Variants in DLGAP2 observed in about 807,000 individuals in gnomAD.
DLGAP2 encodes disks large-associated protein 2.
A neutral mutation model predicts 100.3 loss-of-function variants in DLGAP2; 26 were observed. The ratio of observed to expected loss-of-function variants is 0.26; its 90% CI spans 0.19 to 0.36. The LOEUF (loss-of-function observed/expected upper bound fraction) is 0.36. DLGAP2 is among the 10% of genes least tolerant of loss of function. DLGAP2 has a pLI of 1.00. For synonymous variants in DLGAP2, 886 were observed against 630.1 expected (o/e 1.41, Z -6.08); for missense variants, 1,858 against 1,453.2 (o/e 1.28, Z -4.53).
chr8:1,089,793 A>G (rs1380533416), intron 2 of DLGAP2, among the ~76,000 whole-genome samples: 5 of 152,196 alleles, frequency 3.3e-5, no homozygotes, highest in African/African-American at 1.2e-4. Context: ...ATATCCATCC[A>G]TTCTTTCGCT....
intron 1 of DLGAP2, among the ~76,000 whole-genome samples, chr8:810,128 C>T (rs1796345398): frequency 1.3e-5 from 2 of 152,300 alleles, no homozygotes; most frequent in African/African-American, 2.4e-5. Flanking sequence ...CTTCAAGTGC[C>T]ATCTCCTCCT....
At chr8:1,676,812 G>A (rs953476655) in intron 11 of DLGAP2, among the ~76,000 whole-genome samples, 194 bp downstream of exon 11, 20 of 152,200 alleles carry the variant, frequency 1.3e-4, no homozygotes, top group African/African-American at 4.3e-4. Flanking sequence ...TTTGCAAGAG[G>A]CAAGGGAGTA....
chr8:1,573,527 CG>C (rs1802836752), intron 6 of DLGAP2, among the ~76,000 whole-genome samples: 2 of 152,032 alleles, frequency 1.3e-5, no homozygotes, highest in South Asian at 4.1e-4. Flanking sequence ...GACTGCCATC[CG>C]TGGGTTTCAC....
intron 2 of DLGAP2, among the ~76,000 whole-genome samples, chr8:1,132,199 TAGAA>T (rs1396934121): frequency 2.0e-5 from 3 of 152,218 alleles, no homozygotes; most frequent in Non-Finnish European, 2.9e-5. Context: ...TTTGTAGAAA[TAGAA>T]AGCCATGTTT....
At chr8:1,456,967 G>A (rs1418334281) in intron 3 of DLGAP2, among the ~76,000 whole-genome samples, 4 of 152,246 alleles carry the variant, frequency 2.6e-5, no homozygotes, top group African/African-American at 9.6e-5. Flanking sequence ...ACTAATGAGC[G>A]CTGGCGCCCA....
At chr8:1,155,434 C>T (rs907897640) in intron 2 of DLGAP2, among the ~76,000 whole-genome samples, 2 of 152,168 alleles carry the variant, frequency 1.3e-5, no homozygotes, top group African/African-American at 4.8e-5. Flanking sequence ...GCGGGCGCAC[C>T]GGCTTCCCTG....
chr8:1,630,337 G>T (rs1210600570), intron 7 of DLGAP2, among the ~76,000 whole-genome samples: 1 of 152,070 alleles, frequency 6.6e-6, no homozygotes, highest in Non-Finnish European at 1.5e-5. Flanking sequence ...GTTGAGGGTG[G>T]GACATCTGGA....
At chr8:845,213 G>A (rs1030372371) in intron 1 of DLGAP2, among the ~76,000 whole-genome samples, 26 of 152,268 alleles carry the variant, frequency 1.7e-4, no homozygotes, top group African/African-American at 4.8e-4. Flanking sequence ...TTTTCAGGAC[G>A]TTTCAGACTG....
intron 8 of DLGAP2, among the ~76,000 whole-genome samples, chr8:1,657,015 T>C (rs764887197): frequency 5.3e-4 from 81 of 152,354 alleles, no homozygotes; most frequent in Middle Eastern, 3.4e-3. Context: ...ATCAGGGATT[T>C]TATAGTGTTG....
chr8:1,553,545 C>G (rs954293749), intron 5 of DLGAP2, among the ~76,000 whole-genome samples: 23 of 102,406 alleles, frequency 2.2e-4, no homozygotes, highest in African/African-American at 7.8e-4. Context: ...TTTACATGTT[C>G]ACGTGTTGGA....
chr8:1,115,046 T>C (rs1563199615), intron 2 of DLGAP2, among the ~76,000 whole-genome samples: 1 of 152,256 alleles, frequency 6.6e-6, no homozygotes, highest in Non-Finnish European at 1.5e-5. Context: ...TATTGTGCTG[T>C]GGTCCAAGAT....
intron 2 of DLGAP2, among the ~76,000 whole-genome samples, chr8:1,164,343 C>CCCAA (rs1563224521): frequency 7.8e-6 from 1 of 128,848 alleles, no homozygotes; most frequent in East Asian, 2.1e-4. Context: ...TCTGTGAGCC[C>CCCAA]GCAGGGCCCG....
chr8:1,477,164 C>G (rs1798958081), intron 3 of DLGAP2, among the ~76,000 whole-genome samples: 1 of 152,226 alleles, frequency 6.6e-6, no homozygotes, highest in East Asian at 1.9e-4. Flanking sequence ...AGCTGGCTGT[C>G]AGATGGGAGA....
chr8:944,709 C>T (rs1014922289), intron 2 of DLGAP2, among the ~76,000 whole-genome samples: 4 of 147,848 alleles, frequency 2.7e-5, no homozygotes, highest in Non-Finnish European at 5.9e-5. Context: ...CGACTTTGTG[C>T]AGGTGATCCA....
chr8:1,129,725 C>G (rs933694914), intron 2 of DLGAP2, among the ~76,000 whole-genome samples: 1 of 152,116 alleles, frequency 6.6e-6, no homozygotes, highest in African/African-American at 2.4e-5. Context: ...CCACGTTGTA[C>G]CTTTTCACAT....
intron 2 of DLGAP2, among the ~76,000 whole-genome samples, chr8:1,155,425 C>T (rs1261430197): frequency 6.6e-6 from 1 of 152,178 alleles, no homozygotes; most frequent in Non-Finnish European, 1.5e-5. Flanking sequence ...GGGATCGCGG[C>T]GGGCGCACCG....
intron 1 of DLGAP2, among the ~76,000 whole-genome samples, chr8:771,055 C>T (rs1463862401): frequency 2.0e-5 from 3 of 152,090 alleles, no homozygotes; most frequent in Non-Finnish European, 4.4e-5. Context: ...CTTCCAGCTC[C>T]ATTTCTCCAT....
chr8:948,989 C>T (rs1162392204), intron 2 of DLGAP2, among the ~76,000 whole-genome samples: 3 of 145,002 alleles, frequency 2.1e-5, no homozygotes, highest in Admixed American at 1.4e-4. Flanking sequence ...GAGGAGTCGC[C>T]GGGGTGGGAG....
In DLGAP2 at chr8:1,005,584, ATT is replaced by A. The variant is rs11370572; in HGVS notation, c.73+97632_73+97633del. ...CCACCATGCCCAGCTTGCCCAGCTAATTTTTTTTTTTTTTTGGTAGAGATGAA... is the reference window on the plus strand; with the variant it reads ...CCACCATGCCCAGCTTGCCCAGCTAATTTTTTTTTTTTTGGTAGAGATGAA... On this transcript the variant is annotated intron_variant, in intron 2 of 14. Coordinates refer to ENST00000637795, the MANE Select transcript of DLGAP2 (RefSeq NM_001346810.2). Among the ~76,000 whole-genome samples the A allele has an allele frequency of 1.3e-3, 184 of 145,008 alleles. 1 individual carries two copies. Among genetic ancestry groups the A allele is most frequent in the Admixed American group, 1.0e-3 (15 of 14,596 alleles).
Sources: allele counts gnomAD v4.1 joint callset (sites outside exome capture counted in the v4.1 genomes callset), GRCh38; gene constraint gnomAD v4.1.1; transcripts MANE v1.5; gene names NCBI Gene and HGNC (gene_info 2026-07-23, HGNC 2026-07-21).